CPQ: variants seen among roughly 807,000 people sequenced by gnomAD.
CPQ encodes the protein carboxypeptidase Q.
CPQ carries 37 observed loss-of-function variants against 45.7 expected under a neutral mutation model. The observed-to-expected ratio is 0.81, with a 90% confidence interval of 0.62 to 1.07. The LOEUF (loss-of-function observed/expected upper bound fraction) is 1.07, where lower values mean the gene tolerates loss of function less well. Among genes scored for constraint, CPQ ranks in the 50% least tolerant of loss-of-function variants. The probability of loss-of-function intolerance (pLI) is 0.00; values close to 1 mark genes in which losing one functional copy is unlikely to be tolerated. For missense variants in CPQ, 537 were observed against 572.9 expected, an observed-to-expected ratio of 0.94 and a Z score of 0.64; for synonymous variants, 186 against 205.8, an observed-to-expected ratio of 0.90 and a Z score of 0.82.
chr8:96,689,853 A>T (rs1809281618), intron 1 of CPQ, among the ~76,000 whole-genome samples: 1 of 152,030 alleles, frequency 6.6e-6, no homozygotes, highest in Non-Finnish European at 1.5e-5. Context: ...TCATTAAAAA[A>T]TTTTACTTTT....
intron 5 of CPQ, among the ~76,000 whole-genome samples, chr8:96,995,670 A>T (rs5022011): frequency 0.49 from 72,051 of 147,046 alleles, 19,028 homozygotes; most frequent in African/African-American, 0.73. Flanking sequence ...TTTTTTTTTT[A>T]AAAAAAAAAC....
At chr8:96,722,500 T>C (rs925855627) in intron 1 of CPQ, among the ~76,000 whole-genome samples, 1 of 152,184 alleles carries the variant, frequency 6.6e-6, no homozygotes, top group African/African-American at 2.4e-5. Context: ...TAGAGACATA[T>C]GACCTAAAAT....
At chr8:97,012,459 G>A (rs547895967) in intron 5 of CPQ, among the ~76,000 whole-genome samples, 1 of 152,164 alleles carries the variant, frequency 6.6e-6, no homozygotes, top group Non-Finnish European at 1.5e-5. Context: ...TAAGGTTTGA[G>A]GACGGGGGTC....
chr8:96,973,271 C>T (rs1813712538), intron 5 of CPQ, among the ~76,000 whole-genome samples: 1 of 151,716 alleles, frequency 6.6e-6, no homozygotes, highest in Non-Finnish European at 1.5e-5. Context: ...GAAAGAAATT[C>T]AGAGTTCAAA....
intron 1 of CPQ, among the ~76,000 whole-genome samples, chr8:96,747,302 A>C (rs947743838): frequency 2.0e-5 from 3 of 151,934 alleles, no homozygotes; most frequent in South Asian, 2.1e-4. Flanking sequence ...AAAAAAAAAA[A>C]AAAAAACACT....
intron 6 of CPQ, among the ~76,000 whole-genome samples, chr8:97,047,490 T>C (rs1325354676): frequency 1.3e-5 from 2 of 152,266 alleles, no homozygotes; most frequent in African/African-American, 4.8e-5. Context: ...GTATCAATTC[T>C]ATACAATGGC....
chr8:96,972,780 CA>C (rs1360224146), intron 5 of CPQ, among the ~76,000 whole-genome samples: 1 of 152,124 alleles, frequency 6.6e-6, no homozygotes, highest in Non-Finnish European at 1.5e-5. Context: ...CCCAGAAGAG[CA>C]AAAACAATCA....
chr8:96,879,987 GA>G lies in CPQ; in HGVS notation c.832del (p.Ser278AlafsTer75). On this transcript the variant is annotated frameshift_variant, in exon 4 of 8. Transcript: ENST00000220763. LOFTEE classifies it high-confidence loss of function. Reference sequence around the variant, plus strand: ...TCAACACTGTAGCAGAGATCACTGGGAGCAAATATCCAGAACAGGTGAGTGA... The same window carrying G: ...TCAACACTGTAGCAGAGATCACTGGGGCAAATATCCAGAACAGGTGAGTGA... ...SFNTVAEITG[S>X]KYPEQVVLVS... 1.9e-6 allele frequency: 3 copies of G among 1,613,956 alleles called. No homozygotes were observed. Among genetic ancestry groups the G allele is most frequent in the Non-Finnish European group, 2.5e-6 (3 of 1,179,862 alleles).
At chr8:96,773,808 G>A (rs1283927709) in intron 1 of CPQ, among the ~76,000 whole-genome samples, 2 of 152,120 alleles carry the variant, frequency 1.3e-5, no homozygotes, top group Non-Finnish European at 2.9e-5. Flanking sequence ...ATCCTTTGGA[G>A]GGGATGAATC....
intron 1 of CPQ, among the ~76,000 whole-genome samples, chr8:96,780,951 G>T (rs1319576880): frequency 6.6e-6 from 1 of 152,118 alleles, no homozygotes; most frequent in East Asian, 1.9e-4. Flanking sequence ...TCTAGAGGGG[G>T]AGGAGGTTAG....
intron 6 of CPQ, among the ~76,000 whole-genome samples, chr8:97,048,683 G>A (rs907153521): frequency 6.6e-6 from 1 of 152,218 alleles, no homozygotes; most frequent in Non-Finnish European, 1.5e-5. Flanking sequence ...GCTGTGATCA[G>A]GAGCTGCCCC....
At chr8:97,058,560 G>C (rs1392254705) in intron 6 of CPQ, among the ~76,000 whole-genome samples, 3 of 152,162 alleles carry the variant, frequency 2.0e-5, no homozygotes, top group Non-Finnish European at 4.4e-5. Context: ...ACCTGGAGAA[G>C]AATAGTAGTG....
rs1028820751 is a variant in CPQ, at chr8:96,834,359, G to A, written c.434-614G>A. 2.6e-5 allele frequency among the ~76,000 whole-genome samples: 4 copies of A among 152,198 alleles called. No individual in the cohort carries two copies. In the South Asian group the frequency reaches 6.2e-4, roughly 24 times the overall value. ...GATGAACAAGTACCGTAAATGGGAA[G>A]CATGGGAAGTTTCCACTCTTTAAGA... On this transcript the variant is annotated intron_variant, in intron 2 of 7. Transcript: ENST00000220763.
chr8:96,682,162 G>T (rs938494923), intron 1 of CPQ, among the ~76,000 whole-genome samples: 1 of 152,046 alleles, frequency 6.6e-6, no homozygotes, highest in Non-Finnish European at 1.5e-5. Flanking sequence ...GATTTGGGAG[G>T]GGCCAGGGCA....
intron 5 of CPQ, among the ~76,000 whole-genome samples, chr8:96,975,267 G>A (rs1296593632): frequency 1.3e-5 from 2 of 151,840 alleles, no homozygotes; most frequent in South Asian, 2.1e-4. Context: ...TATATTGAAA[G>A]TATACAATCC....
In CPQ at chr8:97,083,125, T is replaced by C. The variant is rs544910583; in HGVS notation, c.1255+16915T>C. ...TCTGTAAAATGAGGGCAATAATATT[T>C]CAAAGGACTATTGTGAGAATTGAAT... On this transcript the variant is annotated intron_variant, in intron 7 of 7. Coordinates refer to ENST00000220763, the MANE Select transcript of CPQ (RefSeq NM_016134.4). Among the ~76,000 whole-genome samples the C allele has an allele frequency of 1.1e-4, 17 of 152,292 alleles. No homozygotes were observed. The East Asian group carries it at 3.1e-3, about 28-fold the overall frequency.
chr8:96,973,702 T>C (rs1328313383), intron 5 of CPQ, among the ~76,000 whole-genome samples: 4 of 152,122 alleles, frequency 2.6e-5, no homozygotes, highest in South Asian at 2.1e-4. Flanking sequence ...CTAGATGGGA[T>C]TGGGGTCCTC....
rs201650223 is a variant in CPQ at position 96,690,829 on chromosome 8, AGGGCCACATTAT to A, written c.-35+45430_-35+45441del. Among the ~76,000 whole-genome samples, 285 of 152,310 alleles carry A rather than the reference AGGGCCACATTAT, an allele frequency of 1.9e-3. 5 individuals carry two copies. The highest frequency in any genetic ancestry group is 0.012 in the Admixed American group (191 of 15,296). On this transcript the variant is annotated intron_variant, in intron 1 of 7. Coordinates refer to ENST00000220763, the MANE Select transcript of CPQ (RefSeq NM_016134.4). The stretch of plus-strand genomic sequence containing the variant: ...GAGTCCTTTCCTCACCTATGACTTT[AGGGCCACATTAT>A]GGCTTCCTTTTCCCATTTCATGAAA...
At chr8:96,817,645 G>A (rs960151856) in intron 2 of CPQ, among the ~76,000 whole-genome samples, 1 of 151,014 alleles carries the variant, frequency 6.6e-6, no homozygotes, top group African/African-American at 2.4e-5. Context: ...ACAGAGTCTT[G>A]CTCTGTCACA....
Sources: gnomAD v4.1 joint callset for allele counts (sites outside exome capture counted in the v4.1 genomes callset) on GRCh38, gnomAD v4.1.1 for gene constraint, MANE v1.5 for transcripts, NCBI Gene and HGNC (gene_info 2026-07-23, HGNC 2026-07-21) for gene names.